The following ADCY4 variants were observed in gnomAD, a reference collection of about 807,000 sequenced individuals.
ADCY4 encodes the protein adenylate cyclase 4.
ADCY4 carries 111 observed loss-of-function variants against 125.5 expected under a neutral mutation model. The ratio of observed to expected loss-of-function variants is 0.88; its 90% confidence interval spans 0.76 to 1.04. The LOEUF (loss-of-function observed/expected upper bound fraction) is 1.04. Among genes scored for constraint, ADCY4 ranks in the 50% least tolerant of loss-of-function variants. The pLI is 0.00. For missense variants in ADCY4, 1,256 were observed against 1,382.9 expected, an observed-to-expected ratio of 0.91 and a Z score of 1.46; for synonymous variants, 576 against 586.9, an observed-to-expected ratio of 0.98 and a Z score of 0.27.
intron 13 of ADCY4, 51 bp downstream of exon 13, chr14:24,325,767 C>G (rs1260455010): frequency 6.4e-7 from 1 of 1,562,064 alleles, no homozygotes; most frequent in East Asian, 2.3e-5. Context: ...TCCCCAGCAC[C>G]AAGGAACTAA....
Position 24,319,613 on chromosome 14 carries a change from AGAG to A in ADCY4, c.2733+126_2733+128del. The A allele has an allele frequency of 7.7e-7, 1 of 1,303,206 alleles. No homozygotes were observed. The highest frequency in any genetic ancestry group is 1.1e-6 in the Non-Finnish European group (1 of 922,380). The allele number at this position is 1,303,206 out of a possible 1,614,324, so 80.7% of individuals were successfully genotyped here. On this transcript the variant is annotated intron_variant, in intron 21 of 24. Coordinates refer to ENST00000418030, the MANE Select transcript of ADCY4 (RefSeq NM_001198568.2). The surrounding 1 kb of genome is among the most constrained non-coding windows in gnomAD (Gnocchi z 4.5). ...CTGGAGTGGGTAGATCTGGGGGATC[AGAG>A]GAGGTGAGGGAGTACTGTGGAGGGG...
Position 24,323,380 on chromosome 14 carries a change from C to T in ADCY4, c.2121G>A (p.Trp707Ter), listed in dbSNP as rs2041886872. 1 of 1,557,144 alleles carries T rather than the reference C, an allele frequency of 6.4e-7. No individual in the cohort carries two copies. Among genetic ancestry groups the T allele is most frequent in the Admixed American group, 1.9e-5 (1 of 51,988 alleles). Reference sequence around the variant, plus strand: ...TGAGAGGCAGAGACCCAGGGAGCTCCCAGGAGAGGTTGGAAATCATGGAGG... The same window carrying T: ...TGAGAGGCAGAGACCCAGGGAGCTCTCAGGAGAGGTTGGAAATCATGGAGG... ...NVSSMISNLS[W>*]ELPGSLPLIS... The change falls in exon 17 of 25, where the codon TGG becomes TGA. Residue 707 changes from tryptophan (W) to a stop codon, truncating the protein, a stop_gained. Transcript: ENST00000418030. LOFTEE classifies it high-confidence loss of function.
intron 1 of ADCY4, among the ~76,000 whole-genome samples, chr14:24,333,949 G>A (rs1458189668): frequency 1.3e-5 from 2 of 152,182 alleles, no homozygotes; most frequent in Non-Finnish European, 2.9e-5. Context: ...GATTGGCCGC[G>A]CCCGGTGATT....
intron 10 of ADCY4, among the ~76,000 whole-genome samples, chr14:24,327,845 C>T (rs1594661345): frequency 6.6e-6 from 1 of 152,070 alleles, no homozygotes; most frequent in Non-Finnish European, 1.5e-5. Flanking sequence ...ACAGAGGACA[C>T]GAGCAGTTCC....
chr14:24,318,736 T>C lies in ADCY4; in HGVS notation c.2999A>G (p.Gln1000Arg). ...GCCCCAAATGTCATATTGCGGCTTC[T>C]GGGCCCCAATAACTCCAGCTACTAC... Reference protein sequence around the residue: ...GPVVAGVIGAQKPQYDIWGNT... With the variant: ...GPVVAGVIGARKPQYDIWGNT... Residue 1000 changes from glutamine to arginine, a missense_variant, in exon 24 of 25, where the codon CAG (glutamine) becomes CGG (arginine). Gln to Arg is a conservative substitution (Grantham distance 43, BLOSUM62 1). Coordinates refer to ENST00000418030, the MANE Select transcript of ADCY4 (RefSeq NM_001198568.2). 7 of 1,614,182 alleles carry C rather than the reference T, an allele frequency of 4.3e-6. No homozygotes were observed. Among genetic ancestry groups the C allele is most frequent in the Non-Finnish European group, 5.9e-6 (7 of 1,180,032 alleles).
At chr14:24,324,907 T>C (rs1322238879) in intron 14 of ADCY4, among the ~76,000 whole-genome samples, 1 of 152,124 alleles carries the variant, frequency 6.6e-6, no homozygotes. Flanking sequence ...TTTCACCATG[T>C]TGGCCAGGCT....
intron 9 of ADCY4, 64 bp from the exon 10 acceptor site, chr14:24,329,298 A>C (rs970796309): frequency 1.9e-5 from 30 of 1,586,224 alleles, no homozygotes; most frequent in Non-Finnish European, 2.4e-5. Flanking sequence ...TCCACCCCCC[A>C]CTAGGACCCA....
intron 3 of ADCY4, 185 bp downstream of exon 3, chr14:24,332,337 C>T (rs1228913517): frequency 1.6e-6 from 1 of 643,582 alleles, no homozygotes; most frequent in Non-Finnish European, 2.5e-6. Context: ...TGGCCTGGAT[C>T]CCTCTTCTGG....
At chr14:24,322,749 C>T in intron 18 of ADCY4, 41 bp from the exon 19 acceptor site, 2 of 1,599,318 alleles carry the variant, frequency 1.3e-6, no homozygotes, top group East Asian at 2.3e-5. Flanking sequence ...TGCTTTCCCC[C>T]TTCCTGGCCT....
At position 24,331,554 on chromosome 14, in the gene ADCY4, A is replaced by T. The variant is rs2042041669; in HGVS notation, c.670-198T>A. On this transcript the variant is annotated intron_variant, in intron 4 of 24. Coordinates refer to ENST00000418030, the MANE Select transcript of ADCY4 (RefSeq NM_001198568.2). ...CTTTAGTGACTAAACTCCCAGTATCAACACCTGAATGGGAGTTCACTTAAT... is the reference window on the plus strand; with the variant it reads ...CTTTAGTGACTAAACTCCCAGTATCTACACCTGAATGGGAGTTCACTTAAT... 20 of 880,292 alleles carry T rather than the reference A, an allele frequency of 2.3e-5. No homozygotes were observed. The South Asian group carries it at 3.6e-4, about 16-fold the overall frequency. The allele number at this position is 880,292 out of a possible 1,614,324, so 54.5% of individuals were successfully genotyped here.
intron 4 of ADCY4, chr14:24,331,574 C>CA: frequency 6.7e-6 from 6 of 900,654 alleles, no homozygotes; most frequent in Non-Finnish European, 9.8e-6. Context: ...TGGGAGTTCA[C>CA]TTAATATCAT....
chr14:24,326,019 C>T, intron 12 of ADCY4, 60 bp downstream of exon 12: 3 of 1,486,894 alleles, frequency 2.0e-6, no homozygotes, highest in South Asian at 2.4e-5. Context: ...GAGCACCATC[C>T]CTTCTCCACC....
At chr14:24,332,733 C>T (rs766162148) in intron 2 of ADCY4, 50 bp from the exon 3 acceptor site, 2 of 1,550,318 alleles carry the variant, frequency 1.3e-6, no homozygotes, top group South Asian at 2.4e-5. Context: ...CTATTCAAGG[C>T]CTGGTGAGGG....
intron 19 of ADCY4, 53 bp from the exon 20 acceptor site, chr14:24,322,277 C>T: frequency 1.3e-6 from 2 of 1,567,278 alleles, no homozygotes; most frequent in Non-Finnish European, 1.7e-6. Flanking sequence ...GGAAGCCCAG[C>T]TCCTGAGTGT....
chr14:24,334,452 C>T (rs1462846327), intron 1 of ADCY4, 42 bp downstream of exon 1: 2 of 1,527,366 alleles, frequency 1.3e-6, no homozygotes, highest in Non-Finnish European at 1.7e-6. Context: ...CCCGAAAATG[C>T]TCCCCAGGTA....
In ADCY4 at chr14:24,322,895, T is replaced by C. The variant is rs765013498; in HGVS notation, c.2342+9A>G. The C allele has an allele frequency of 5.7e-6, 9 of 1,586,320 alleles. No homozygotes were observed. In the East Asian group the frequency reaches 1.8e-4, roughly 32 times the overall value. ...GGGCCCGGCACCTCTGTCCAGCAGCTGTGCACACCTGGAGTCCAAGGGGCC... is the reference window on the plus strand; with the variant it reads ...GGGCCCGGCACCTCTGTCCAGCAGCCGTGCACACCTGGAGTCCAAGGGGCC... On this transcript the variant is annotated intron_variant, in intron 18 of 24. Coordinates refer to ENST00000418030, the MANE Select transcript of ADCY4 (RefSeq NM_001198568.2).
At chr14:24,325,771 G>A (rs1213250259) in intron 13 of ADCY4, 47 bp downstream of exon 13, 4 of 1,564,272 alleles carry the variant, frequency 2.6e-6, no homozygotes, top group East Asian at 2.3e-5. Context: ...CAGCACCAAG[G>A]AACTAAAGTT....
Position 24,326,311 on chromosome 14 carries a change from C to T in ADCY4, c.1556G>A (p.Trp519Ter). 1 of 1,614,130 alleles carries T rather than the reference C, an allele frequency of 6.2e-7. No homozygotes were observed. Among genetic ancestry groups the T allele is most frequent in the African/African-American group, 1.3e-5 (1 of 75,022 alleles). The change falls in exon 11 of 25, where the codon TGG (tryptophan) becomes TAG (stop). Residue 519 changes from tryptophan (W) to a stop codon, truncating the protein, a stop_gained. Coordinates refer to ENST00000418030, the MANE Select transcript of ADCY4 (RefSeq NM_001198568.2). LOFTEE classifies it high-confidence loss of function. ...GAGGCCTCCTCACCGATCCAGGCTC[C>T]ACTGGGTGCTGAAGGAAGCCAGGGT... ...EKTLASFSTQ[W>*]SLDRSRTPRG...
rs773738155 is a variant in ADCY4, at chr14:24,326,297, A to C, written c.1568+2T>G. 1 of 1,614,022 alleles carries C rather than the reference A, an allele frequency of 6.2e-7. No individual in the cohort carries two copies. The highest frequency in any genetic ancestry group is 8.5e-7 in the Non-Finnish European group (1 of 1,179,994). ...CTGGCAAAGACTTTGAGGCCTCCTC[A>C]CCGATCCAGGCTCCACTGGGTGCTG... On this transcript the variant is annotated splice_donor_variant, in intron 11 of 24. Transcript: ENST00000418030. LOFTEE classifies it high-confidence loss of function.
Sources: allele counts gnomAD v4.1 joint callset (sites outside exome capture counted in the v4.1 genomes callset), GRCh38; gene constraint gnomAD v4.1.1; non-coding constraint Gnocchi (gnomAD v3.1); transcripts MANE v1.5; gene names NCBI Gene and HGNC (gene_info 2026-07-23, HGNC 2026-07-21).